SYNPR: variants seen among roughly 807,000 people sequenced by gnomAD.
The protein encoded by SYNPR is synaptoporin.
Under a neutral mutation model 32.9 loss-of-function variants are expected in SYNPR, and 23 were observed. That is an observed-to-expected ratio of 0.70 (90% confidence interval 0.50 to 0.99). The LOEUF (loss-of-function observed/expected upper bound fraction) is 0.99. Ranked by LOEUF, SYNPR falls within the 50% of genes least tolerant of loss-of-function variation. The pLI, the probability that SYNPR is intolerant of heterozygous loss-of-function variation, is 0.00. For synonymous variants in SYNPR, 146 were observed against 135.9 expected (o/e 1.07, Z -0.52); for missense variants, 318 against 349.3 (o/e 0.91, Z 0.71).
intron 1 of SYNPR, among the ~76,000 whole-genome samples, chr3:63,240,664 G>A (rs2086234504): frequency 6.6e-6 from 1 of 152,148 alleles, no homozygotes; most frequent in Admixed American, 6.6e-5. Flanking sequence ...GTGAATGAAG[G>A]GAGATATCCA....
At chr3:63,449,735 C>G (rs1230688555) in intron 2 of SYNPR, among the ~76,000 whole-genome samples, 1 of 152,188 alleles carries the variant, frequency 6.6e-6, no homozygotes, top group Non-Finnish European at 1.5e-5. Flanking sequence ...CCAACAAAGA[C>G]AAGTAAGGCA....
chr3:63,270,713 G>A (rs185537566), intron 3 of SYNPR, among the ~76,000 whole-genome samples: 284 of 152,282 alleles, frequency 1.9e-3, no homozygotes, highest in South Asian at 2.5e-3. Context: ...TTATTTATAA[G>A]ATGTGGATAA....
rs1237202544 is a variant in SYNPR at position 63,553,927 on chromosome 3, G to T, written c.210-2616G>T. 4.6e-5 allele frequency among the ~76,000 whole-genome samples: 7 copies of T among 152,206 alleles called. No homozygotes were observed. The East Asian group carries it at 1.4e-3, about 29-fold the overall frequency. ...GTAGAGATGGGGTTTCTCCATGTTGGTCAGGCTGGTCTCGATCTCCCAACC... is the reference window on the plus strand; with the variant it reads ...GTAGAGATGGGGTTTCTCCATGTTGTTCAGGCTGGTCTCGATCTCCCAACC... On this transcript the variant is annotated intron_variant, in intron 3 of 5. Transcript: ENST00000478300.
chr3:63,436,698 C>A (rs1409370421), intron 2 of SYNPR, among the ~76,000 whole-genome samples: 1 of 152,136 alleles, frequency 6.6e-6, no homozygotes, highest in Non-Finnish European at 1.5e-5. Context: ...CAAAAACAAG[C>A]AACTCTTCAT....
intron 2 of SYNPR, among the ~76,000 whole-genome samples, chr3:63,286,556 CG>C (rs11360416): frequency 0.46 from 70,078 of 151,498 alleles, 16,317 homozygotes; most frequent in Middle Eastern, 0.51. Context: ...GTTCTGCAGA[CG>C]ACCCACATCT....
chr3:63,282,127 A>G (rs1288273323), intron 2 of SYNPR, among the ~76,000 whole-genome samples: 4 of 152,224 alleles, frequency 2.6e-5, no homozygotes, highest in Non-Finnish European at 4.4e-5. Flanking sequence ...AAGTCAGTAG[A>G]TATTTGATTC....
intron 3 of SYNPR, among the ~76,000 whole-genome samples, chr3:63,487,803 G>A (rs1701183335): frequency 6.6e-6 from 1 of 152,184 alleles, no homozygotes; most frequent in Admixed American, 6.5e-5. Flanking sequence ...ATAATCCTTG[G>A]GAGGTTGGCA....
intron 2 of SYNPR, among the ~76,000 whole-genome samples, chr3:63,449,087 T>C (rs914130472): frequency 6.6e-5 from 10 of 152,190 alleles, no homozygotes; most frequent in African/African-American, 2.4e-4. Flanking sequence ...ATTCTCATTC[T>C]TGGACAGTAT....
intron 3 of SYNPR, among the ~76,000 whole-genome samples, chr3:63,485,889 A>C (rs925243146): frequency 6.6e-6 from 1 of 152,238 alleles, no homozygotes; most frequent in Admixed American, 6.5e-5. Flanking sequence ...TGTCACTTCC[A>C]TGTCTTGAGA....
upstream of SYNPR, among the ~76,000 whole-genome samples, chr3:63,274,708 A>G (rs1052889228): frequency 1.3e-5 from 2 of 152,214 alleles, no homozygotes; most frequent in African/African-American, 4.8e-5. Flanking sequence ...AAGTTTCTCT[A>G]CCTTGGCACC....
intron 2 of SYNPR, among the ~76,000 whole-genome samples, chr3:63,390,520 G>T (rs2107083535): frequency 6.6e-6 from 1 of 152,286 alleles, no homozygotes; most frequent in African/African-American, 2.4e-5. Flanking sequence ...CTATTGTGGG[G>T]ATGCAATGCC....
chr3:63,465,156 T>C (rs1016707867), intron 2 of SYNPR, among the ~76,000 whole-genome samples: 2 of 152,176 alleles, frequency 1.3e-5, no homozygotes, highest in African/African-American at 4.8e-5. Flanking sequence ...ATAATGTCTT[T>C]TACATGGAAT....
At chr3:63,574,173 C>A (rs1702939287) in intron 4 of SYNPR, among the ~76,000 whole-genome samples, 1 of 152,164 alleles carries the variant, frequency 6.6e-6, no homozygotes, top group African/African-American at 2.4e-5. Context: ...GAGCAAGTCC[C>A]TTTGAAGCTA....
chr3:63,320,670 A>G (rs556591608), intron 2 of SYNPR, among the ~76,000 whole-genome samples: 1 of 152,194 alleles, frequency 6.6e-6, no homozygotes, highest in East Asian at 1.9e-4. Flanking sequence ...ATAAACTTTT[A>G]TTAACTCATT....
At chr3:63,481,445 A>ATGTG (rs1278991637) in intron 3 of SYNPR, among the ~76,000 whole-genome samples, 3,613 of 134,316 alleles carry the variant, frequency 0.027, 102 homozygotes, top group East Asian at 0.12. Context: ...GTATATATAT[A>ATGTG]TATATATGTG....
intron 2 of SYNPR, among the ~76,000 whole-genome samples, chr3:63,433,098 T>C (rs1700021843): frequency 6.6e-6 from 1 of 152,208 alleles, no homozygotes; most frequent in African/African-American, 2.4e-5. Flanking sequence ...CACAGAGTAT[T>C]GCGTGTTATA....
At chr3:63,360,808 C>T (rs1208796895) in intron 2 of SYNPR, among the ~76,000 whole-genome samples, 2 of 152,108 alleles carry the variant, frequency 1.3e-5, no homozygotes, top group Non-Finnish European at 2.9e-5. Flanking sequence ...CTAAGATATT[C>T]CCCCTATATA....
chr3:63,546,273 T>G (rs1482273792), intron 3 of SYNPR, among the ~76,000 whole-genome samples: 1 of 152,156 alleles, frequency 6.6e-6, no homozygotes, highest in Admixed American at 6.6e-5. Context: ...TTTACTTCCC[T>G]TTTACTCCAG....
chr3:63,572,802 A>G (rs997068180), intron 4 of SYNPR, among the ~76,000 whole-genome samples: 2 of 152,186 alleles, frequency 1.3e-5, no homozygotes, highest in Admixed American at 1.3e-4. Flanking sequence ...ATATTCTGCT[A>G]CTTTATGCAT....
Sources: gnomAD v4.1 joint callset for allele counts (sites outside exome capture counted in the v4.1 genomes callset) on GRCh38, gnomAD v4.1.1 for gene constraint, MANE v1.5 for transcripts, NCBI Gene and HGNC (gene_info 2026-07-23, HGNC 2026-07-21) for gene names.